SLIT3: variants seen among roughly 807,000 people sequenced by gnomAD.
SLIT3 encodes slit guidance ligand 3.
SLIT3 carries 68 observed loss-of-function variants against 184.0 expected under a neutral mutation model. The observed-to-expected ratio is 0.37, with a 90% CI of 0.30 to 0.45. The LOEUF (loss-of-function observed/expected upper bound fraction) is 0.45. Among genes scored for constraint, SLIT3 ranks in the 20% least tolerant of loss-of-function variants. The pLI is 1.00. For synonymous variants in SLIT3, 831 were observed against 828.6 expected (o/e 1.00, Z -0.05); for missense variants, 1,707 against 2,026.0 (o/e 0.84, Z 3.02).
At position 168,798,220 on chromosome 5, in the gene SLIT3, C is replaced by CTTTTTTTTTT. The variant is rs575178855; in HGVS notation, c.936-2643_936-2642insAAAAAAAAAA. 9.7e-4 allele frequency among the ~76,000 whole-genome samples: 109 copies of CTTTTTTTTTT among 112,236 alleles called. 6 individuals carry two copies. The highest frequency in any genetic ancestry group is 3.0e-3 in the South Asian group (8 of 2,650). The allele number at this position is 112,236 out of a possible 152,430, so 73.6% of individuals were successfully genotyped here. On this transcript the variant is annotated intron_variant, in intron 9 of 35. Coordinates refer to ENST00000519560, the MANE Select transcript of SLIT3 (RefSeq NM_003062.4). ...CTTTTGGTTTTCTTTTCTTCTTCTT[C>CTTTTTTTTTT]TTCTTTTTTTTTTTTTTTTAAGAGA...
chr5:169,263,975 T>C (rs1033019641), intron 1 of SLIT3, among the ~76,000 whole-genome samples: 9 of 151,522 alleles, frequency 5.9e-5, no homozygotes, highest in Non-Finnish European at 1.2e-4. Flanking sequence ...ACGGGGTTTT[T>C]TTTTTTTAAA....
At chr5:168,945,153 T>A (rs1479740740) in intron 4 of SLIT3, among the ~76,000 whole-genome samples, 1 of 152,102 alleles carries the variant, frequency 6.6e-6, no homozygotes, top group Non-Finnish European at 1.5e-5. Context: ...ACTGATAACA[T>A]ATCAGGGAGT....
chr5:168,723,605 C>T (rs1291872258), intron 21 of SLIT3, among the ~76,000 whole-genome samples: 2 of 152,146 alleles, frequency 1.3e-5, no homozygotes, highest in Admixed American at 6.5e-5. Context: ...GTTCCTCTAT[C>T]CCCCTTCTTT....
chr5:169,293,686 A>AGTCTG (rs893920844), intron 1 of SLIT3, among the ~76,000 whole-genome samples: 8 of 152,324 alleles, frequency 5.3e-5, no homozygotes, highest in Admixed American at 2.0e-4. Context: ...TGGGCCCCAG[A>AGTCTG]GTCTGGCTCT....
At chr5:168,742,929 C>G (rs143135957) in intron 20 of SLIT3, among the ~76,000 whole-genome samples, 1,582 of 152,018 alleles carry the variant, frequency 0.01, 31 homozygotes, top group African/African-American at 0.037. Flanking sequence ...GAGATCGAGA[C>G]TATCCTGGCC....
chr5:168,910,004 T>C (rs1761203003), intron 4 of SLIT3, among the ~76,000 whole-genome samples: 1 of 152,228 alleles, frequency 6.6e-6, no homozygotes, highest in Non-Finnish European at 1.5e-5. Context: ...GCATTTCTCT[T>C]CTTGTGAAAC....
rs572172464 is a variant in SLIT3, at chr5:169,087,098, A to G, written c.413+106381T>C. Among the ~76,000 whole-genome samples the G allele has an allele frequency of 1.2e-4, 19 of 152,334 alleles. No homozygotes were observed. The South Asian group carries it at 3.9e-3, about 32-fold the overall frequency. Reference sequence around the variant, plus strand: ...AATATTTAGCAGCTTGACATCTTGCACCCTCCCGGCATGCTATTTTGTGTT... The same window carrying G: ...AATATTTAGCAGCTTGACATCTTGCGCCCTCCCGGCATGCTATTTTGTGTT... On this transcript the variant is annotated intron_variant, in intron 4 of 35. Transcript: ENST00000519560.
rs114574503 is a variant in SLIT3, at chr5:168,815,171, T to C, written c.793+2129A>G. Among the ~76,000 whole-genome samples, 934 of 152,350 alleles carry C rather than the reference T, an allele frequency of 6.1e-3. 13 individuals are homozygous for C. Among genetic ancestry groups the C allele is most frequent in the African/African-American group, 0.021 (886 of 41,568 alleles). On this transcript the variant is annotated intron_variant, in intron 8 of 35. Coordinates refer to ENST00000519560, the MANE Select transcript of SLIT3 (RefSeq NM_003062.4). ...TGGGATTAACTGCTATAAACAGAAG[T>C]TGATAAAGGTGCTCCCACGTAACTA...
At chr5:169,118,315 A>G (rs558375309) in intron 4 of SLIT3, among the ~76,000 whole-genome samples, 64 of 152,278 alleles carry the variant, frequency 4.2e-4, no homozygotes, top group African/African-American at 1.5e-3. Flanking sequence ...GGAGTCATAT[A>G]TGGAGGACAT....
intron 4 of SLIT3, among the ~76,000 whole-genome samples, chr5:169,167,116 G>A (rs967977789): frequency 2.6e-5 from 4 of 151,938 alleles, no homozygotes; most frequent in Non-Finnish European, 4.4e-5. Context: ...GCTGCAGTGA[G>A]CTATGGTTGT....
chr5:168,858,821 A>C (rs1243780549), intron 5 of SLIT3, among the ~76,000 whole-genome samples: 1 of 152,204 alleles, frequency 6.6e-6, no homozygotes, highest in Non-Finnish European at 1.5e-5. Flanking sequence ...TGGCATTTAC[A>C]TCCCGGGGAC....
chr5:169,295,861 GCAAT>G (rs1410543854), intron 1 of SLIT3, among the ~76,000 whole-genome samples: 2 of 152,216 alleles, frequency 1.3e-5, no homozygotes, highest in African/African-American at 4.8e-5. Flanking sequence ...AAGAAGAGCA[GCAAT>G]CAAAACCCAC....
intron 4 of SLIT3, among the ~76,000 whole-genome samples, chr5:169,068,374 T>C (rs1758429303): frequency 6.6e-6 from 1 of 152,074 alleles, no homozygotes; most frequent in Non-Finnish European, 1.5e-5. Flanking sequence ...GGTTAAGAAT[T>C]TTTCACCCGT....
intron 4 of SLIT3, among the ~76,000 whole-genome samples, chr5:169,111,854 C>T (rs1049037498): frequency 2.6e-5 from 4 of 152,138 alleles, no homozygotes; most frequent in Admixed American, 6.5e-5. Context: ...GTCTAGGGGA[C>T]GGTGATGCAA....
At position 168,937,593 on chromosome 5, in the gene SLIT3, C is replaced by T. The variant is rs980294921; in HGVS notation, c.414-54257G>A. Among the ~76,000 whole-genome samples, 12 of 152,014 alleles carry T rather than the reference C, an allele frequency of 7.9e-5. 1 individual carries two copies. Among genetic ancestry groups the T allele is most frequent in the South Asian group, 6.2e-4 (3 of 4,822 alleles). On this transcript the variant is annotated intron_variant, in intron 4 of 35. Coordinates refer to ENST00000519560, the MANE Select transcript of SLIT3 (RefSeq NM_003062.4). ...TCTAGATGGCATTGGCCTTGTGCGG[C>T]GGAACGGGAGGCCTGGCATTCTCTG...
intron 22 of SLIT3, 35 bp from the exon 23 acceptor site, chr5:168,722,362 T>G (rs367959307): frequency 5.0e-6 from 8 of 1,584,380 alleles, no homozygotes; most frequent in Non-Finnish European, 6.9e-6. Flanking sequence ...TGTTGTGTCT[T>G]TCTATTCTCT....
chr5:168,860,850 G>T (rs1759076893), intron 5 of SLIT3, among the ~76,000 whole-genome samples: 1 of 152,122 alleles, frequency 6.6e-6, no homozygotes, highest in African/African-American at 2.4e-5. Flanking sequence ...AAGGGCTTTG[G>T]CCCCAGCTTT....
rs191920832 is a variant in SLIT3, at chr5:168,988,779, C to G, written c.414-105443G>C. Among the ~76,000 whole-genome samples the G allele has an allele frequency of 4.6e-5, 7 of 151,762 alleles. No homozygotes were observed. The South Asian group carries it at 8.4e-4, about 18-fold the overall frequency. On this transcript the variant is annotated intron_variant, in intron 4 of 35. Transcript: ENST00000519560. ...GAGGAGAATCAACTAGGAGACCCCCCCCCAGGGGCAGGCAGCACTAGAATT... is the reference window on the plus strand; with the variant it reads ...GAGGAGAATCAACTAGGAGACCCCCGCCCAGGGGCAGGCAGCACTAGAATT...
chr5:169,014,512 C>T (rs544704135), intron 4 of SLIT3, among the ~76,000 whole-genome samples: 13 of 152,302 alleles, frequency 8.5e-5, no homozygotes, highest in Admixed American at 3.3e-4. Context: ...TCAAGACCAA[C>T]GTCAAGCCGG....
Sources: gnomAD v4.1 joint callset for allele counts (sites outside exome capture counted in the v4.1 genomes callset) on GRCh38, gnomAD v4.1.1 for gene constraint, MANE v1.5 for transcripts, NCBI Gene and HGNC (gene_info 2026-07-23, HGNC 2026-07-21) for gene names.